The following CHIC1 variants were observed in gnomAD, a reference collection of about 807,000 sequenced individuals.
CHIC1 encodes cysteine rich hydrophobic domain 1, also known as cysteine-rich hydrophobic domain-containing protein 1.
A neutral mutation model predicts 18.5 loss-of-function variants in CHIC1; 7 were observed. The observed-to-expected ratio is 0.38, with a 90% CI of 0.22 to 0.71. The LOEUF is 0.71. Among genes scored for constraint, CHIC1 ranks in the 30% least tolerant of loss-of-function variants. The pLI is 0.49. For missense variants in CHIC1, 159 were observed against 176.9 expected (o/e 0.90, Z 0.57); for synonymous variants, 77 against 73.5 (o/e 1.05, Z -0.25).
chrX:73,567,180 A>T (rs2057448772), intron 1 of CHIC1, among the ~76,000 whole-genome samples: 1 of 110,322 alleles, frequency 9.1e-6, no homozygotes, highest in Admixed American at 9.7e-5. Flanking sequence ...AGATGGTCTC[A>T]TCTTACCTCT....
At chrX:73,678,194 T>G (rs1368788463) in intron 3 of CHIC1, among the ~76,000 whole-genome samples, 2 of 112,119 alleles carry the variant, frequency 1.8e-5, no homozygotes, top group East Asian at 5.6e-4. Context: ...GTAATCAGTT[T>G]CAGCAGTGTC....
chrX:73,641,177 C>T lies in CHIC1; in HGVS notation c.508-38149C>T, dbSNP rs748388710. 5.4e-5 allele frequency among the ~76,000 whole-genome samples: 6 copies of T among 110,800 alleles called. No homozygotes were observed. The South Asian group carries it at 2.3e-3, about 42-fold the overall frequency. Reference sequence around the variant, plus strand: ...TGAGTTATTTTCTCAGTATTTATTTCTGTTTTTATTGTGCTGTGGTCTGAG... The same window carrying T: ...TGAGTTATTTTCTCAGTATTTATTTTTGTTTTTATTGTGCTGTGGTCTGAG... On this transcript the variant is annotated intron_variant, in intron 3 of 5. Transcript: ENST00000373502.
At position 73,572,921 on chromosome X, in the gene CHIC1, C is replaced by A. The variant is rs747933323; in HGVS notation, c.297-4486C>A. Among the ~76,000 whole-genome samples, 3 of 111,089 alleles carry A rather than the reference C, an allele frequency of 2.7e-5. No individual in the cohort carries two copies. The South Asian group carries it at 1.1e-3, about 41-fold the overall frequency. On this transcript the variant is annotated intron_variant, in intron 1 of 5. Coordinates refer to ENST00000373502, the MANE Select transcript of CHIC1 (RefSeq NM_001039840.4). ...TATGTTGTCTGTTGATTGATAATTT[C>A]TTTTGCTGTGCAGAAGCTCTTTAGT... is the stretch of plus-strand genomic sequence containing the variant.
intron 3 of CHIC1, among the ~76,000 whole-genome samples, chrX:73,674,083 A>C (rs2058047975): frequency 8.9e-6 from 1 of 111,993 alleles, no homozygotes. Flanking sequence ...CCAGCCTTGC[A>C]TCCCAGGGAA....
chrX:73,658,263 T>TG (rs1391540156), intron 3 of CHIC1, among the ~76,000 whole-genome samples: 7 of 88,008 alleles, frequency 8.0e-5, no homozygotes, highest in Non-Finnish European at 1.3e-4. Flanking sequence ...TTTTTTTTTT[T>TG]TTTTTTTTTT....
At chrX:73,571,169 A>T (rs2057469038) in intron 1 of CHIC1, among the ~76,000 whole-genome samples, 1 of 110,651 alleles carries the variant, frequency 9.0e-6, no homozygotes, top group African/African-American at 3.3e-5. Context: ...GTCTGTATTG[A>T]CTATATATTT....
intron 3 of CHIC1, among the ~76,000 whole-genome samples, chrX:73,671,494 G>C (rs1425201203): frequency 9.0e-6 from 1 of 111,175 alleles, no homozygotes; most frequent in Non-Finnish European, 1.9e-5. Flanking sequence ...TCCTGCCTAG[G>C]TTATTTCAAA....
At chrX:73,603,666 A>G (rs887454487) in intron 3 of CHIC1, among the ~76,000 whole-genome samples, 4 of 108,445 alleles carry the variant, frequency 3.7e-5, no homozygotes, top group Non-Finnish European at 7.5e-5. Flanking sequence ...TTATTTTGAG[A>G]TATGTTCCAT....
intron 3 of CHIC1, among the ~76,000 whole-genome samples, chrX:73,587,126 G>C (rs1018258828): frequency 1.8e-5 from 2 of 111,889 alleles, no homozygotes; most frequent in Non-Finnish European, 3.8e-5. Context: ...ATCTCTGTTT[G>C]CTCACAAAAT....
At chrX:73,600,392 G>A (rs1422551230) in intron 3 of CHIC1, among the ~76,000 whole-genome samples, 1 of 99,515 alleles carries the variant, frequency 1.0e-5, no homozygotes, top group African/African-American at 4.0e-5. Context: ...TGGTGAGAGA[G>A]GGCATCCCTG....
chrX:73,615,792 CA>C (rs2057729994), intron 3 of CHIC1, among the ~76,000 whole-genome samples: 1 of 110,879 alleles, frequency 9.0e-6, no homozygotes, highest in African/African-American at 3.3e-5. Context: ...TGGCTGGGGG[CA>C]ACAGTGATTG....
chrX:73,644,992 T>G (rs1459023046), intron 3 of CHIC1, among the ~76,000 whole-genome samples: 1 of 112,370 alleles, frequency 8.9e-6, no homozygotes, highest in Non-Finnish European at 1.9e-5. Context: ...GCACCCACTG[T>G]CTGGCACTCC....
intron 3 of CHIC1, among the ~76,000 whole-genome samples, chrX:73,643,637 C>T (rs940385708): frequency 3.6e-5 from 4 of 112,038 alleles, no homozygotes; most frequent in African/African-American, 1.3e-4. Flanking sequence ...ATCACTGATA[C>T]CCTTTCTTCC....
chrX:73,622,054 T>C (rs913311115), intron 3 of CHIC1, among the ~76,000 whole-genome samples: 28 of 112,133 alleles, frequency 2.5e-4, no homozygotes, highest in African/African-American at 9.1e-4. Flanking sequence ...ACAGACTTGA[T>C]CATGGTGGAT....
chrX:73,676,530 G>A lies in CHIC1; in HGVS notation c.508-2796G>A, dbSNP rs1290093522. Among the ~76,000 whole-genome samples the A allele has an allele frequency of 3.6e-5, 4 of 111,719 alleles. No individual in the cohort carries two copies. In the East Asian group the frequency reaches 1.1e-3, roughly 31 times the overall value. On this transcript the variant is annotated intron_variant, in intron 3 of 5. Transcript: ENST00000373502. Reference sequence around the variant, plus strand: ...TTCTTCCAGTTGATCTCATCGGCTAGTGAGGCTTCTGCATTCGTCACGTAG... The same window carrying A: ...TTCTTCCAGTTGATCTCATCGGCTAATGAGGCTTCTGCATTCGTCACGTAG...
chrX:73,621,790 G>A lies in CHIC1; in HGVS notation c.507+37218G>A, dbSNP rs143361913. Reference sequence around the variant, plus strand: ...TCTTGTGCTGGTTTTCAAAGGGAATGCTTCCAGCTTTTGCCCATTCAGTAT... The same window carrying A: ...TCTTGTGCTGGTTTTCAAAGGGAATACTTCCAGCTTTTGCCCATTCAGTAT... On this transcript the variant is annotated intron_variant, in intron 3 of 5. Transcript: ENST00000373502. Among the ~76,000 whole-genome samples, 221 of 112,154 alleles carry A rather than the reference G, an allele frequency of 2.0e-3. 1 individual carries two copies. In the East Asian group the frequency reaches 0.052, roughly 26 times the overall value.
chrX:73,573,201 G>C (rs2057479425), intron 1 of CHIC1, among the ~76,000 whole-genome samples: 3 of 110,567 alleles, frequency 2.7e-5, no homozygotes. Context: ...TGAATAGAGG[G>C]GCCCTTCTCC....
rs751871799 is a variant in CHIC1, at chrX:73,679,571, G to C, written c.565-83G>C. 4.5e-4 allele frequency: 302 copies of C among 664,734 alleles called. 1 individual carries two copies. Among genetic ancestry groups the C allele is most frequent in the Admixed American group, 1.9e-3 (46 of 23,628 alleles). The allele number at this position is 664,734 out of a possible 1,213,427, so 54.8% of individuals were successfully genotyped here. A position where few individuals can be genotyped will look rare whatever the true frequency, so the allele number is the denominator to read the frequency against. ...TTGTATCCTGTACTTTTCCTGGATT[G>C]TTTTCAGTGATTTATTCAAATGTAT... On this transcript the variant is annotated intron_variant, in intron 4 of 5. Transcript: ENST00000373502.
intron 3 of CHIC1, among the ~76,000 whole-genome samples, chrX:73,586,459 G>A (rs1294300478): frequency 1.8e-5 from 2 of 111,399 alleles, no homozygotes; most frequent in Non-Finnish European, 3.8e-5. Flanking sequence ...GTTTTATGAT[G>A]AAATTTAAAG....
Sources: gnomAD v4.1 joint callset for allele counts (sites outside exome capture counted in the v4.1 genomes callset) on GRCh38, gnomAD v4.1.1 for gene constraint, MANE v1.5 for transcripts, NCBI Gene and HGNC (gene_info 2026-07-23, HGNC 2026-07-21) for gene names.